MARK3: variants seen among roughly 807,000 people sequenced by gnomAD.
The protein encoded by MARK3 is MAP/microtubule affinity-regulating kinase 3.
In MARK3, 46 loss-of-function variants were observed where a neutral mutation model predicts 90.1. The ratio of observed to expected loss-of-function variants is 0.51; its 90% CI spans 0.40 to 0.65. MARK3 has a LOEUF of 0.65. MARK3 is among the 30% of genes least tolerant of loss of function. The pLI is 0.00. For missense variants in MARK3, 818 were observed against 947.2 expected (o/e 0.86, Z 1.79); for synonymous variants, 321 against 332.6 (o/e 0.97, Z 0.38).
intron 6 of MARK3, among the ~76,000 whole-genome samples, chr14:103,459,540 C>T (rs1296938723): frequency 6.6e-6 from 1 of 152,140 alleles, no homozygotes; most frequent in Non-Finnish European, 1.5e-5. Flanking sequence ...CCCTCTGTCA[C>T]CAAGGCTGGA....
chr14:103,391,066 T>C (rs999033231), intron 1 of MARK3, among the ~76,000 whole-genome samples: 6 of 152,250 alleles, frequency 3.9e-5, no homozygotes, highest in Non-Finnish European at 7.3e-5. Context: ...TAGAATGTTA[T>C]TTATCAATGC....
intron 1 of MARK3, 26 bp from the exon 2 acceptor site, chr14:103,405,050 T>G (rs774079518): frequency 1.9e-6 from 3 of 1,593,798 alleles, no homozygotes; most frequent in East Asian, 4.5e-5. Context: ...TCTCATTTCC[T>G]TATCTTTGTG....
chr14:103,393,760 TA>T (rs1243464282), intron 1 of MARK3, among the ~76,000 whole-genome samples: 1 of 122,202 alleles, frequency 8.2e-6, no homozygotes. Flanking sequence ...TGCATTTTAT[TA>T]CTTTTTTTTT....
chr14:103,422,904 G>T (rs2092273065), intron 2 of MARK3, among the ~76,000 whole-genome samples: 1 of 152,104 alleles, frequency 6.6e-6, no homozygotes, highest in Admixed American at 6.6e-5. Context: ...AACCCCCAGT[G>T]TGACTGTATT....
At chr14:103,435,565 C>T (rs773539115) in intron 3 of MARK3, among the ~76,000 whole-genome samples, 1 of 152,012 alleles carries the variant, frequency 6.6e-6, no homozygotes, top group Non-Finnish European at 1.5e-5. Context: ...CCCGCCACCA[C>T]GCCCGGCTAA....
intron 2 of MARK3, among the ~76,000 whole-genome samples, chr14:103,425,761 G>A (rs866021516): frequency 2.6e-5 from 4 of 152,108 alleles, no homozygotes; most frequent in South Asian, 2.1e-4. Flanking sequence ...TTTTTCAGGC[G>A]CACACACTCG....
intron 1 of MARK3, among the ~76,000 whole-genome samples, chr14:103,400,242 TAAAC>T (rs892520078): frequency 6.6e-6 from 1 of 152,076 alleles, no homozygotes; most frequent in African/African-American, 2.4e-5. Flanking sequence ...CCTTTTATGA[TAAAC>T]AAAGGCATTA....
chr14:103,425,320 C>A (rs2092366514), intron 2 of MARK3, among the ~76,000 whole-genome samples: 1 of 151,944 alleles, frequency 6.6e-6, no homozygotes, highest in South Asian at 2.1e-4. Context: ...AGTTCAGTGG[C>A]ACCATCTTGG....
intron 6 of MARK3, among the ~76,000 whole-genome samples, chr14:103,459,769 C>G (rs1484840526): frequency 6.6e-6 from 1 of 152,034 alleles, no homozygotes; most frequent in African/African-American, 2.4e-5. Flanking sequence ...CCTCCTCAGC[C>G]TCCCAAAATG....
chr14:103,386,162 C>A, intron 1 of MARK3, 82 bp downstream of exon 1: 1 of 1,318,332 alleles, frequency 7.6e-7, no homozygotes, highest in Non-Finnish European at 1.1e-6. Context: ...GTCGGGTGTT[C>A]CCCCCAGCCG....
chr14:103,426,760 C>T (rs1595615696), intron 2 of MARK3, among the ~76,000 whole-genome samples: 1 of 152,146 alleles, frequency 6.6e-6, no homozygotes, highest in Non-Finnish European at 1.5e-5. Flanking sequence ...CTGGGGCATA[C>T]TCACCCTTTC....
At chr14:103,386,972 ACT>A (rs939225688) in intron 1 of MARK3, among the ~76,000 whole-genome samples, 1 of 152,210 alleles carries the variant, frequency 6.6e-6, no homozygotes, top group African/African-American at 2.4e-5. Context: ...TCGTTTTCTA[ACT>A]CTGTTCTCCT....
intron 1 of MARK3, among the ~76,000 whole-genome samples, chr14:103,394,026 G>T (rs375494964): frequency 2.6e-5 from 4 of 152,072 alleles, no homozygotes; most frequent in African/African-American, 4.8e-5. Flanking sequence ...GAGCCACTGC[G>T]CTCGGCCTGC....
At chr14:103,449,793 G>A (rs2093087758) in intron 4 of MARK3, among the ~76,000 whole-genome samples, 1 of 152,136 alleles carries the variant, frequency 6.6e-6, no homozygotes, top group South Asian at 2.1e-4. Context: ...CTGCTTTTTT[G>A]TATAGTGATA....
intron 14 of MARK3, among the ~76,000 whole-genome samples, chr14:103,481,670 GTCTTT>G (rs767056891): frequency 3.4e-5 from 5 of 146,702 alleles, no homozygotes; most frequent in Admixed American, 6.9e-5. Context: ...TTTCAACATT[GTCTTT>G]TCTTATGATT....
At chr14:103,396,633 A>G (rs1474401429) in intron 1 of MARK3, among the ~76,000 whole-genome samples, 1 of 152,152 alleles carries the variant, frequency 6.6e-6, no homozygotes, top group Non-Finnish European at 1.5e-5. Flanking sequence ...AAATTTGGCT[A>G]ATGGTGGGTT....
intron 4 of MARK3, 36 bp downstream of exon 4, chr14:103,449,003 A>G (rs1373251590): frequency 1.3e-6 from 2 of 1,537,958 alleles, no homozygotes; most frequent in Admixed American, 1.9e-5. Context: ...TGGGGTCTAA[A>G]TACGTACTTG....
chr14:103,488,354 C>G (rs900253042), intron 14 of MARK3, among the ~76,000 whole-genome samples: 1 of 152,152 alleles, frequency 6.6e-6, no homozygotes, highest in African/African-American at 2.4e-5. Context: ...CAGAAGCCCT[C>G]AGGTGGTCTC....
intron 2 of MARK3, among the ~76,000 whole-genome samples, chr14:103,418,740 A>C (rs917046695): frequency 3.9e-5 from 6 of 152,224 alleles, no homozygotes; most frequent in African/African-American, 1.2e-4. Flanking sequence ...GAAAGTTTGG[A>C]GAATAGAGAA....
Sources: allele counts gnomAD v4.1 joint callset (sites outside exome capture counted in the v4.1 genomes callset), GRCh38; gene constraint gnomAD v4.1.1; transcripts MANE v1.5; gene names NCBI Gene and HGNC (gene_info 2026-07-23, HGNC 2026-07-21).